ITGAM: variants seen among roughly 807,000 people sequenced by gnomAD.
ITGAM encodes integrin alpha-M.
In ITGAM, 79 loss-of-function variants were observed where a neutral mutation model predicts 137.5. That is an observed-to-expected ratio of 0.57 (90% CI 0.48 to 0.69). ITGAM has a LOEUF of 0.69. Among genes scored for constraint, ITGAM ranks in the 30% least tolerant of loss-of-function variants. ITGAM has a pLI of 0.00. For missense variants in ITGAM, 1,343 were observed against 1,483.5 expected (o/e 0.91, Z 1.56); for synonymous variants, 583 against 592.3 (o/e 0.98, Z 0.23).
chr16:31,271,446 G>A (rs373031084), intron 6 of ITGAM, among the ~76,000 whole-genome samples: 3 of 152,152 alleles, frequency 2.0e-5, no homozygotes, highest in East Asian at 3.9e-4. Context: ...TCCGCCTCCC[G>A]GGTTCAAGCA....
intron 11 of ITGAM, among the ~76,000 whole-genome samples, chr16:31,277,317 T>C (rs1420491576): frequency 2.6e-5 from 4 of 151,852 alleles, no homozygotes; most frequent in African/African-American, 9.7e-5. Context: ...CTCAGTCTCC[T>C]GAGTAGCTGG....
At chr16:31,296,697 T>C (rs1268118143) in intron 12 of ITGAM, among the ~76,000 whole-genome samples, 1 of 152,116 alleles carries the variant, frequency 6.6e-6, no homozygotes, top group African/African-American at 2.4e-5. Flanking sequence ...CATTGATTAC[T>C]CTCCTCTCCT....
intron 14 of ITGAM, among the ~76,000 whole-genome samples, chr16:31,307,947 C>T (rs560868401): frequency 2.6e-5 from 4 of 152,154 alleles, no homozygotes; most frequent in East Asian, 3.9e-4. Context: ...TGCTGGATTA[C>T]GTTTATTGAT....
chr16:31,324,477 CAAAG>C lies in ITGAM; in HGVS notation c.2084_2087del (p.Lys695ThrfsTer12), dbSNP rs770251573. ...CATTCCCGCGCCGTCTTCAATGAGA[CAAAG>C]AACAGCACACGCAGACAGACACAGG... is the stretch of plus-strand genomic sequence containing the variant. On this transcript the variant is annotated frameshift_variant, in exon 17 of 30. Transcript: ENST00000544665. LOFTEE classifies it high-confidence loss of function. The surrounding 1 kb of genome is among the most constrained non-coding windows in gnomAD (Gnocchi z 4.5). 18 of 1,586,686 alleles carry C rather than the reference CAAAG, an allele frequency of 1.1e-5. No homozygotes were observed. Among genetic ancestry groups the C allele is most frequent in the Non-Finnish European group, 1.5e-5 (17 of 1,166,946 alleles).
At chr16:31,284,683 C>T (rs181759234) in intron 12 of ITGAM, among the ~76,000 whole-genome samples, 4 of 152,178 alleles carry the variant, frequency 2.6e-5, no homozygotes, top group East Asian at 1.9e-4. Flanking sequence ...CCAGGTGAGG[C>T]GATGACCCAC....
At position 31,331,949 on chromosome 16, in the gene ITGAM, GTA is replaced by G. The variant is rs2080592603; in HGVS notation, c.*244_*245del. On this transcript the variant is annotated 3_prime_UTR_variant, in exon 30 of 30. Coordinates refer to ENST00000544665, the MANE Select transcript of ITGAM (RefSeq NM_000632.4). Reference sequence around the variant, plus strand: ...CACGCCCATGTGTGAGTGTGTGCAAGTATGTGAGTGTGTCCAAGTGTGTGTGC... The same window carrying G: ...CACGCCCATGTGTGAGTGTGTGCAAGTGTGAGTGTGTCCAAGTGTGTGTGC... The G allele has an allele frequency of 3.6e-6, 2 of 557,390 alleles. No homozygotes were observed. The highest frequency in any genetic ancestry group is 6.3e-6 in the Non-Finnish European group (2 of 315,156). The allele number at this position is 557,390 out of a possible 1,614,324, so 34.5% of individuals were successfully genotyped here. A position where few individuals can be genotyped will look rare whatever the true frequency, so the allele number is the denominator to read the frequency against.
At position 31,327,619 on chromosome 16, in the gene ITGAM, T is replaced by TAAA. The variant is rs921740818; in HGVS notation, c.2709-524_2709-522dup. Among the ~76,000 whole-genome samples the TAAA allele has an allele frequency of 3.6e-3, 532 of 149,506 alleles. 6 individuals carry two copies. Among genetic ancestry groups the TAAA allele is most frequent in the African/African-American group, 0.013 (511 of 40,504 alleles). On this transcript the variant is annotated intron_variant, in intron 22 of 29. Coordinates refer to ENST00000544665, the MANE Select transcript of ITGAM (RefSeq NM_000632.4). ...AAAATAATAATAATAATAATAATAA[T>TAAA]AAAAAATAAAAGGGAAAAAAAGAAA...
At position 31,276,951 on chromosome 16, in the gene ITGAM, A is replaced by T; in HGVS notation, c.1115A>T (p.Tyr372Phe). 6.2e-7 allele frequency: 1 copy of T among 1,613,486 alleles called. No homozygotes were observed. Among genetic ancestry groups the T allele is most frequent in the Non-Finnish European group, 8.5e-7 (1 of 1,179,708 alleles). Residue 372 changes from tyrosine (Y) to phenylalanine (F), a missense_variant, in exon 11 of 30, where the codon TAT becomes TTT. Physicochemically the swap from Tyr to Phe is conservative, Grantham distance 22 (BLOSUM62 3). Transcript: ENST00000544665. ...CCCTTGCTGAGCACTGTGGGGAGCT[A>T]TGACTGGGCTGGTGGAGTCTTTCTA... ...NGPLLSTVGS[Y>F]DWAGGVFLYT...
At chr16:31,276,636 G>A in intron 9 of ITGAM, 35 bp from the exon 10 acceptor site, 2 of 1,533,828 alleles carry the variant, frequency 1.3e-6, no homozygotes, top group Non-Finnish European at 1.8e-6. Flanking sequence ...CCGGCCTTCT[G>A]CTTTCTTTAA....
rs750467051 is a variant in ITGAM, at chr16:31,328,178, G to A, written c.2740G>A (p.Glu914Lys). Residue 914 changes from glutamate to lysine, a missense_variant, in exon 23 of 30, where the codon GAA becomes AAA. Transcript: ENST00000544665. ...CAACATGCCCAGAACCAACAAAACC[G>A]AATTCCAACTGGAGCTGCCGGTGAA... ...ENNMPRTNKT[E>K]FQLELPVKYA... 1.9e-6 allele frequency: 3 copies of A among 1,613,844 alleles called. No homozygotes were observed. The highest frequency in any genetic ancestry group is 2.2e-5 in the South Asian group (2 of 91,090).
At chr16:31,314,067 G>A (rs1290947200) in intron 14 of ITGAM, among the ~76,000 whole-genome samples, 1 of 151,516 alleles carries the variant, frequency 6.6e-6, no homozygotes, top group Non-Finnish European at 1.5e-5. Flanking sequence ...CCCATTTTTT[G>A]ATGGGGTTGT....
intron 14 of ITGAM, among the ~76,000 whole-genome samples, chr16:31,310,170 G>A (rs948727422): frequency 2.6e-5 from 4 of 151,862 alleles, no homozygotes; most frequent in African/African-American, 9.7e-5. Context: ...ACAATTATGT[G>A]TTTTGGAGTT....
intron 12 of ITGAM, 131 bp downstream of exon 12, chr16:31,278,240 GTTGTGGGATCAGCTTAGCAT>G: frequency 1.0e-6 from 1 of 955,088 alleles, no homozygotes; most frequent in East Asian, 2.7e-5. Flanking sequence ...GAGCTGGGGA[GTTGTGGGATCAGCTTAGCAT>G]TTGTGAATGC....
At chr16:31,282,073 G>A (rs2079975730) in intron 12 of ITGAM, among the ~76,000 whole-genome samples, 1 of 152,152 alleles carries the variant, frequency 6.6e-6, no homozygotes, top group African/African-American at 2.4e-5. Flanking sequence ...ATTGCACTGT[G>A]GTCCGAGAGA....
chr16:31,262,981 G>T (rs936561685), intron 2 of ITGAM, among the ~76,000 whole-genome samples: 1 of 151,956 alleles, frequency 6.6e-6, no homozygotes, highest in African/African-American at 2.4e-5. Flanking sequence ...TCCCTCTGTC[G>T]CCCAGGCTGG....
At chr16:31,307,438 G>C (rs1027221393) in intron 14 of ITGAM, among the ~76,000 whole-genome samples, 1 of 152,050 alleles carries the variant, frequency 6.6e-6, no homozygotes, top group Non-Finnish European at 1.5e-5. Flanking sequence ...TCATGATTTG[G>C]CTCTCTGTTT....
At chr16:31,274,761 T>G (rs2079888333) in intron 8 of ITGAM, among the ~76,000 whole-genome samples, 1 of 151,978 alleles carries the variant, frequency 6.6e-6, no homozygotes, top group African/African-American at 2.4e-5. Flanking sequence ...ACTACAGGCA[T>G]GCACCACCAT....
At chr16:31,293,944 A>G (rs187468769) in intron 12 of ITGAM, among the ~76,000 whole-genome samples, 46 of 152,138 alleles carry the variant, frequency 3.0e-4, no homozygotes, top group Admixed American at 9.8e-4. Flanking sequence ...CACTGTACAG[A>G]TCTTTCAACT....
At chr16:31,314,866 A>G (rs1437260358) in intron 14 of ITGAM, among the ~76,000 whole-genome samples, 3 of 134,520 alleles carry the variant, frequency 2.2e-5, no homozygotes, top group Non-Finnish European at 4.6e-5. Context: ...TCTGTCACCC[A>G]GGCTGGAGTA....
Sources: gnomAD v4.1 joint callset for allele counts (sites outside exome capture counted in the v4.1 genomes callset) on GRCh38, gnomAD v4.1.1 for gene constraint, Gnocchi (gnomAD v3.1) non-coding constraint, MANE v1.5 for transcripts, NCBI Gene and HGNC (gene_info 2026-07-23, HGNC 2026-07-21) for gene names.